Variants in MMP16 observed in about 807,000 individuals in gnomAD.
The protein encoded by MMP16 is matrix metalloproteinase-16.
In MMP16, 12 loss-of-function variants were observed where a neutral mutation model predicts 67.8. That is an observed-to-expected ratio of 0.18 (90% CI 0.11 to 0.29). The LOEUF is 0.29. MMP16 is among the 10% of genes least tolerant of loss of function. The probability of loss-of-function intolerance (pLI) is 1.00; values close to 1 mark genes in which losing one functional copy is unlikely to be tolerated. For synonymous variants in MMP16, 249 were observed against 255.9 expected (o/e 0.97, Z 0.26); for missense variants, 475 against 765.7 (o/e 0.62, Z 4.48).
intron 4 of MMP16, among the ~76,000 whole-genome samples, chr8:88,156,626 C>G (rs1239761935): frequency 5.3e-5 from 8 of 151,834 alleles, no homozygotes; most frequent in Non-Finnish European, 8.8e-5. Context: ...AGTTACAAAA[C>G]TAAAGTAAAA....
intron 4 of MMP16, among the ~76,000 whole-genome samples, chr8:88,138,128 T>G (rs1429396518): frequency 6.6e-6 from 1 of 152,026 alleles, no homozygotes; most frequent in Non-Finnish European, 1.5e-5. Context: ...CTTTTGGATG[T>G]CTGGCAATCT....
At chr8:88,261,915 C>T (rs1259693924) in intron 1 of MMP16, among the ~76,000 whole-genome samples, 1 of 152,036 alleles carries the variant, frequency 6.6e-6, no homozygotes, top group Non-Finnish European at 1.5e-5. Flanking sequence ...AGAGCAACCC[C>T]ATGAGGTTAT....
chr8:88,237,279 C>T (rs145316242), intron 1 of MMP16, among the ~76,000 whole-genome samples: 1 of 152,282 alleles, frequency 6.6e-6, no homozygotes, highest in Non-Finnish European at 1.5e-5. Context: ...GGGCATTATG[C>T]GTTTTGCTCA....
intron 1 of MMP16, among the ~76,000 whole-genome samples, chr8:88,289,060 G>A (rs1265080239): frequency 2.0e-5 from 3 of 152,088 alleles, no homozygotes; most frequent in Admixed American, 2.0e-4. Context: ...CCAAGTATGG[G>A]TTAGTTAGAT....
At chr8:88,206,084 C>T (rs564542115) in intron 1 of MMP16, among the ~76,000 whole-genome samples, 2 of 152,212 alleles carry the variant, frequency 1.3e-5, no homozygotes, top group African/African-American at 2.4e-5. Context: ...TTTCATATTG[C>T]TACCATCTCT....
At chr8:88,101,271 T>C (rs1274373870) in intron 6 of MMP16, among the ~76,000 whole-genome samples, 1 of 151,910 alleles carries the variant, frequency 6.6e-6, no homozygotes, top group African/African-American at 2.4e-5. Flanking sequence ...CCACAGGTCC[T>C]CAATACAGAT....
At chr8:88,059,732 C>T (rs1020965353) in intron 7 of MMP16, among the ~76,000 whole-genome samples, 3 of 151,846 alleles carry the variant, frequency 2.0e-5, no homozygotes, top group Non-Finnish European at 2.9e-5. Flanking sequence ...AGTCAAAATG[C>T]TGTGCTGCAG....
At chr8:88,140,863 T>C (rs1044184896) in intron 4 of MMP16, among the ~76,000 whole-genome samples, 22 of 152,142 alleles carry the variant, frequency 1.4e-4, no homozygotes, top group Admixed American at 3.3e-4. Context: ...AATTAAGAAA[T>C]GTATTCTACA....
chr8:88,075,934 T>G (rs28991879), intron 6 of MMP16, among the ~76,000 whole-genome samples: 15,797 of 59,426 alleles, frequency 0.27, 964 homozygotes, highest in Middle Eastern at 0.37. Flanking sequence ...TACTCATATA[T>G]TCATACACAC....
At chr8:88,092,973 C>T (rs1808963522) in intron 6 of MMP16, among the ~76,000 whole-genome samples, 1 of 151,758 alleles carries the variant, frequency 6.6e-6, no homozygotes, top group East Asian at 1.9e-4. Flanking sequence ...GGAAGAATAA[C>T]AAAGGTATTT....
At chr8:88,068,860 C>A (rs967973123) in intron 7 of MMP16, among the ~76,000 whole-genome samples, 2 of 151,984 alleles carry the variant, frequency 1.3e-5, no homozygotes, top group African/African-American at 4.8e-5. Context: ...TGCCACCAAG[C>A]CTGGCTAATT....
At chr8:88,237,398 C>T (rs755644453) in intron 1 of MMP16, among the ~76,000 whole-genome samples, 13 of 152,038 alleles carry the variant, frequency 8.6e-5, no homozygotes, top group African/African-American at 1.2e-4. Context: ...GCCTGTAATC[C>T]CAGCACTTTG....
chr8:88,045,507 A>C (rs1261323337), intron 9 of MMP16, among the ~76,000 whole-genome samples: 1 of 151,986 alleles, frequency 6.6e-6, no homozygotes, highest in African/African-American at 2.4e-5. Context: ...AATAGCTGGG[A>C]CTACAGGTAC....
At chr8:88,119,580 A>T (rs2664361) in intron 4 of MMP16, among the ~76,000 whole-genome samples, 1 of 151,738 alleles carries the variant, frequency 6.6e-6, no homozygotes, top group African/African-American at 2.4e-5. Context: ...AAACTTGTAC[A>T]GTGAAATCTA....
chr8:88,119,785 A>AT (rs1298615460), intron 4 of MMP16, among the ~76,000 whole-genome samples: 1 of 152,052 alleles, frequency 6.6e-6, no homozygotes, highest in Non-Finnish European at 1.5e-5. Context: ...GGGCTGTTAC[A>AT]TTTCTAAGGG....
At chr8:88,254,732 A>G (rs1219833888) in intron 1 of MMP16, among the ~76,000 whole-genome samples, 1 of 152,220 alleles carries the variant, frequency 6.6e-6, no homozygotes, top group Non-Finnish European at 1.5e-5. Flanking sequence ...TATAGCAAAG[A>G]GTAAACAAAG....
At chr8:88,136,215 A>G (rs1808116455) in intron 4 of MMP16, among the ~76,000 whole-genome samples, 1 of 151,884 alleles carries the variant, frequency 6.6e-6, no homozygotes, top group Admixed American at 6.6e-5. Flanking sequence ...GACAACTAAG[A>G]TACAAGGATG....
chr8:88,113,169 G>T (rs1367511022), intron 6 of MMP16, among the ~76,000 whole-genome samples: 2 of 151,768 alleles, frequency 1.3e-5, no homozygotes, highest in Non-Finnish European at 2.9e-5. Context: ...AAATCTTGTT[G>T]AGGAACACAT....
chr8:88,142,535 T>C (rs542592789), intron 4 of MMP16, among the ~76,000 whole-genome samples: 14 of 152,184 alleles, frequency 9.2e-5, no homozygotes, highest in Admixed American at 4.6e-4. Context: ...ATTTTAATAA[T>C]TTTCTAACTT....
Sources: allele counts gnomAD v4.1 joint callset (sites outside exome capture counted in the v4.1 genomes callset), GRCh38; gene constraint gnomAD v4.1.1; transcripts MANE v1.5; gene names NCBI Gene and HGNC (gene_info 2026-07-23, HGNC 2026-07-21).